The following KMT2C variants were observed in gnomAD, a reference collection of about 807,000 sequenced individuals.
The protein encoded by KMT2C is histone-lysine N-methyltransferase 2C.
A neutral mutation model predicts 507.9 loss-of-function variants in KMT2C; 88 were observed. The ratio of observed to expected loss-of-function variants is 0.17; its 90% CI spans 0.15 to 0.21. The LOEUF (loss-of-function observed/expected upper bound fraction) is 0.21. KMT2C is among the 10% of genes least tolerant of loss of function. KMT2C has a pLI of 1.00. For synonymous variants in KMT2C, 2,049 were observed against 2,080.8 expected, an observed-to-expected ratio of 0.98 and a Z score of 0.42; for missense variants, 4,954 against 5,957.8, an observed-to-expected ratio of 0.83 and a Z score of 5.55.
At chr7:152,137,457 T>TACA (rs2089990406) in intron 58 of KMT2C, 1 of 154,492 alleles carries the variant, frequency 6.5e-6, no homozygotes, top group South Asian at 2.0e-4. Flanking sequence ...AGTCCCACGG[T>TACA]ACAAGCCTCA....
intron 43 of KMT2C, among the ~76,000 whole-genome samples, chr7:152,161,633 A>T (rs974706419): frequency 4.6e-5 from 7 of 152,236 alleles, no homozygotes; most frequent in Non-Finnish European, 1.0e-4. Context: ...ACTACAAAAC[A>T]GTATCTACAT....
At chr7:152,241,207 TCTTTC>T (rs1702137037) in intron 14 of KMT2C, among the ~76,000 whole-genome samples, 2 of 152,122 alleles carry the variant, frequency 1.3e-5, no homozygotes, top group African/African-American at 4.8e-5. Flanking sequence ...TTTCTTTCTT[TCTTTC>T]TTTTTGAGAT....
intron 1 of KMT2C, among the ~76,000 whole-genome samples, chr7:152,383,127 A>G: frequency 6.6e-6 from 1 of 151,786 alleles, no homozygotes; most frequent in Non-Finnish European, 1.5e-5. Flanking sequence ...ACACATCTAT[A>G]TATAATTTGT....
At chr7:152,250,057 T>C in intron 12 of KMT2C, 104 bp from the exon 13 acceptor site, 1 of 666,868 alleles carries the variant, frequency 1.5e-6, no homozygotes, top group Non-Finnish European at 2.7e-6. Flanking sequence ...TAAATGTCAA[T>C]TTCCAATATA....
chr7:152,420,602 C>T (rs1374555211), intron 1 of KMT2C, among the ~76,000 whole-genome samples: 7 of 151,972 alleles, frequency 4.6e-5, no homozygotes, highest in South Asian at 2.1e-4. Flanking sequence ...TTTGGGAGGC[C>T]GAGGTGGGTG....
intron 52 of KMT2C, among the ~76,000 whole-genome samples, chr7:152,147,816 G>C (rs536946749): frequency 4.6e-5 from 7 of 151,666 alleles, no homozygotes; most frequent in African/African-American, 1.5e-4. Flanking sequence ...TCACCAACTC[G>C]TATGTTCAAA....
At chr7:152,368,908 A>G (rs1367133151) in intron 1 of KMT2C, among the ~76,000 whole-genome samples, 1 of 151,834 alleles carries the variant, frequency 6.6e-6, no homozygotes, top group Non-Finnish European at 1.5e-5. Context: ...TCTTTTTTTT[A>G]TTAAACAGAT....
Position 152,148,012 on chromosome 7 carries a change from C to G in KMT2C, c.13894+21G>C, listed in dbSNP as rs372788523. ...CATCAGAGTAAGTAGCACTGCACAG[C>G]ATGTGAACGGCAGACGTTACCTTTA... On this transcript the variant is annotated intron_variant, in intron 52 of 58. Coordinates refer to ENST00000262189, the MANE Select transcript of KMT2C (RefSeq NM_170606.3). The surrounding 1 kb of genome is among the most constrained non-coding windows in gnomAD (Gnocchi z 7.1). 1 of 1,547,008 alleles carries G rather than the reference C, an allele frequency of 6.5e-7. No homozygotes were observed. Among genetic ancestry groups the G allele is most frequent in the Non-Finnish European group, 8.7e-7 (1 of 1,144,130 alleles).
At chr7:152,297,051 AAGACAGAGAG>A (rs1284600091) in intron 6 of KMT2C, among the ~76,000 whole-genome samples, 30 of 60,272 alleles carry the variant, frequency 5.0e-4, no homozygotes, top group East Asian at 2.6e-3. Context: ...GAAAGAAAGA[AAGACAGAGAG>A]AGAGAGAGAG....
chr7:152,416,723 CAAA>C (rs35079842), intron 1 of KMT2C, among the ~76,000 whole-genome samples: 1 of 119,780 alleles, frequency 8.3e-6, no homozygotes. Context: ...GACTCTGTAT[CAAA>C]AAAAAAAAAA....
rs779928160 is a variant in KMT2C, at chr7:152,159,066, A to G, written c.11467T>C (p.Leu3823=). The change falls in exon 44 of 59, where the codon TTG becomes CTG. Residue 3823 remains leucine (L), a synonymous_variant. Transcript: ENST00000262189. ...AAACCACCTTGCATTTGAGCCCCCA[A>G]AGTTTGCTAATGTAATTGGAAAGGG... The part of the protein sequence containing the change: ...KQNPAEGLQT[L]GAQMQGGFGC... 1.2e-6 allele frequency: 2 copies of G among 1,614,076 alleles called. No individual in the cohort carries two copies. Among genetic ancestry groups the G allele is most frequent in the East Asian group, 4.5e-5 (2 of 44,870 alleles).
At position 152,148,965 on chromosome 7, in the gene KMT2C, T is replaced by C. The variant is rs753518653; in HGVS notation, c.12962A>G (p.Lys4321Arg). The C allele has an allele frequency of 2.5e-6, 4 of 1,599,646 alleles. No individual in the cohort carries two copies. The highest frequency in any genetic ancestry group is 3.4e-6 in the Non-Finnish European group (4 of 1,172,970). ...GACTGTCACCTTCAGCTCATCTGGC[T>C]TGGCCTCGACTTGGGCTGCTTCAAA... The part of the protein sequence containing the change: ...PAFEAAQVEA[K>R]PDELKVTVKL... The change falls in exon 52 of 59, where the codon AAG becomes AGG. Residue 4321 changes from lysine (K) to arginine (R), a missense_variant. By Grantham distance (26) the Lys-to-Arg change is conservative. Coordinates refer to ENST00000262189, the MANE Select transcript of KMT2C (RefSeq NM_170606.3). This position sits in a 1 kb window ranked among gnomAD's most constrained non-coding sequence, Gnocchi z 7.1.
Position 152,139,702 on chromosome 7 carries a change from G to A in KMT2C, c.14433C>T (p.Asn4811=), listed in dbSNP as rs1223759612. 3 of 1,613,410 alleles carry A rather than the reference G, an allele frequency of 1.9e-6. No homozygotes were observed. Among genetic ancestry groups the A allele is most frequent in the African/African-American group, 2.7e-5 (2 of 74,862 alleles). ...GAGACTCATAAAGCTTCTCTTTCCT[G>A]TTGGCTACTTCGTTTCGAATGATAG... The part of the protein sequence containing the change: ...IGTIIRNEVA[N]RKEKLYESQN... The change falls in exon 56 of 59, where the codon AAC becomes AAT. Residue 4811 remains asparagine, a synonymous_variant. Coordinates refer to ENST00000262189, the MANE Select transcript of KMT2C (RefSeq NM_170606.3).
chr7:152,218,717 CCTT>C (rs576000640), intron 23 of KMT2C, among the ~76,000 whole-genome samples: 522 of 152,218 alleles, frequency 3.4e-3, no homozygotes, highest in Non-Finnish European at 5.7e-3. Flanking sequence ...ACTGAGCCGT[CCTT>C]CTTGTCCTCA....
chr7:152,353,366 G>A (rs2097128869), intron 2 of KMT2C, among the ~76,000 whole-genome samples: 1 of 152,198 alleles, frequency 6.6e-6, no homozygotes, highest in Admixed American at 6.5e-5. Flanking sequence ...AGAGGTTGCA[G>A]TGAGCTGAGA....
intron 2 of KMT2C, among the ~76,000 whole-genome samples, chr7:152,333,738 A>T (rs1589255522): frequency 6.6e-6 from 1 of 152,242 alleles, no homozygotes; most frequent in East Asian, 1.9e-4. Flanking sequence ...GTTAGAAAAA[A>T]CTACAAATAA....
chr7:152,333,706 T>C (rs2129214100), intron 2 of KMT2C, among the ~76,000 whole-genome samples: 1 of 152,332 alleles, frequency 6.6e-6, no homozygotes, highest in Middle Eastern at 3.4e-3. Flanking sequence ...TGAAAAACAA[T>C]TTGTATAACT....
chr7:152,429,559 C>A (rs1206358335), intron 1 of KMT2C, among the ~76,000 whole-genome samples: 1 of 151,390 alleles, frequency 6.6e-6, no homozygotes, highest in Non-Finnish European at 1.5e-5. Flanking sequence ...CTCACTCTGT[C>A]GCCCAGGCTG....
At chr7:152,293,529 T>C (rs1319672907) in intron 6 of KMT2C, among the ~76,000 whole-genome samples, 2 of 152,162 alleles carry the variant, frequency 1.3e-5, no homozygotes, top group African/African-American at 4.8e-5. Context: ...CAGTTTCCTA[T>C]GCATCCTTCA....
Sources: allele counts gnomAD v4.1 joint callset (sites outside exome capture counted in the v4.1 genomes callset), GRCh38; gene constraint gnomAD v4.1.1; non-coding constraint Gnocchi (gnomAD v3.1); transcripts MANE v1.5; gene names NCBI Gene and HGNC (gene_info 2026-07-23, HGNC 2026-07-21).